BMPR1B: variants seen among roughly 807,000 people sequenced by gnomAD.
BMPR1B encodes bone morphogenetic protein receptor type 1B.
In BMPR1B, 12 loss-of-function variants were observed where a neutral mutation model predicts 59.1. The observed-to-expected ratio is 0.20, with a 90% CI of 0.13 to 0.33. The LOEUF (loss-of-function observed/expected upper bound fraction) is 0.33, where lower values mean the gene tolerates loss of function less well. BMPR1B is among the 10% of genes least tolerant of loss of function. The pLI is 1.00. For missense variants in BMPR1B, 550 were observed against 610.9 expected, an observed-to-expected ratio of 0.90 and a Z score of 1.05; for synonymous variants, 237 against 207.3, an observed-to-expected ratio of 1.14 and a Z score of -1.23.
intron 2 of BMPR1B, among the ~76,000 whole-genome samples, chr4:94,889,517 C>T (rs1371961456): frequency 1.3e-5 from 2 of 152,066 alleles, no homozygotes; most frequent in African/African-American, 4.8e-5. Context: ...AATTCTTTCT[C>T]AAAAGGTGTT....
rs144822754 is a variant in BMPR1B, at chr4:94,854,137, A to G, written c.-182-21694A>G. 3.3e-3 allele frequency among the ~76,000 whole-genome samples: 504 copies of G among 152,036 alleles called. 1 individual carries two copies. The highest frequency in any genetic ancestry group is 5.6e-3 in the Non-Finnish European group (381 of 67,984). The stretch of plus-strand genomic sequence containing the variant: ...TACTGTGAAGCTCTCTATTCCTTCT[A>G]GCAAGCCCCAAGATGCCTCATCTAT... On this transcript the variant is annotated intron_variant, in intron 1 of 12. Coordinates refer to ENST00000515059, the MANE Select transcript of BMPR1B (RefSeq NM_001203.3).
intron 1 of BMPR1B, among the ~76,000 whole-genome samples, chr4:94,857,463 TA>T (rs1369836822): frequency 6.6e-6 from 1 of 152,160 alleles, no homozygotes; most frequent in African/African-American, 2.4e-5. Context: ...TCTAGTGGAC[TA>T]TAAGATATTT....
At chr4:95,046,007 CATGA>C (rs1354353724) in intron 3 of BMPR1B, among the ~76,000 whole-genome samples, 13 of 152,146 alleles carry the variant, frequency 8.5e-5, no homozygotes, top group African/African-American at 3.1e-4. Flanking sequence ...ACTTCAAATG[CATGA>C]ATATTTAATG....
intron 2 of BMPR1B, among the ~76,000 whole-genome samples, chr4:94,912,094 G>C (rs1728295832): frequency 6.6e-6 from 1 of 152,004 alleles, no homozygotes; most frequent in Non-Finnish European, 1.5e-5. Flanking sequence ...GAATGAGGAA[G>C]GTACAAAAGT....
At chr4:95,020,503 CG>C (rs1723901651) in intron 3 of BMPR1B, among the ~76,000 whole-genome samples, 1 of 151,374 alleles carries the variant, frequency 6.6e-6, no homozygotes, top group Non-Finnish European at 1.5e-5. Flanking sequence ...TGCTTGAACC[CG>C]GGAGGCAGAG....
rs574324619 is a variant in BMPR1B, at chr4:94,926,300, G to T, written c.-113+50400G>T. On this transcript the variant is annotated intron_variant, in intron 2 of 12. Coordinates refer to ENST00000515059, the MANE Select transcript of BMPR1B (RefSeq NM_001203.3). ...ATGTTTTATAGGTTTCGCAAATTTT[G>T]TATCAGACTCTTCTTGGTCTTATCC... Among the ~76,000 whole-genome samples the T allele has an allele frequency of 2.0e-5, 3 of 151,812 alleles. No individual in the cohort carries two copies. In the East Asian group the frequency reaches 5.8e-4, roughly 29 times the overall value.
chr4:95,042,660 A>G (rs1344463645), intron 3 of BMPR1B, among the ~76,000 whole-genome samples: 1 of 152,180 alleles, frequency 6.6e-6, no homozygotes, highest in East Asian at 1.9e-4. Flanking sequence ...CACAAACAGT[A>G]AAAGATGGCC....
At chr4:94,916,109 T>C (rs1002942694) in intron 2 of BMPR1B, among the ~76,000 whole-genome samples, 1 of 152,118 alleles carries the variant, frequency 6.6e-6, no homozygotes, top group Non-Finnish European at 1.5e-5. Flanking sequence ...GTTAAACCTC[T>C]TTTCTTTGTA....
At chr4:94,895,375 C>A (rs916615282) in intron 2 of BMPR1B, among the ~76,000 whole-genome samples, 3 of 151,632 alleles carry the variant, frequency 2.0e-5, no homozygotes, top group African/African-American at 7.3e-5. Context: ...GATTTATAAT[C>A]TATGAGAAAA....
chr4:94,941,588 A>G (rs1729515315), intron 2 of BMPR1B, among the ~76,000 whole-genome samples: 1 of 152,200 alleles, frequency 6.6e-6, no homozygotes, highest in Non-Finnish European at 1.5e-5. Flanking sequence ...GATTAAAATT[A>G]TGAAAGGTTA....
chr4:95,044,894 G>GAAAACA (rs1270514223), intron 3 of BMPR1B, among the ~76,000 whole-genome samples: 1 of 152,100 alleles, frequency 6.6e-6, no homozygotes, highest in Non-Finnish European at 1.5e-5. Flanking sequence ...TCATAGTGGA[G>GAAAACA]TAGTTTTTTA....
chr4:94,962,110 TC>T, intron 2 of BMPR1B, among the ~76,000 whole-genome samples: 2 of 135,078 alleles, frequency 1.5e-5, no homozygotes, highest in Non-Finnish European at 1.5e-5. Flanking sequence ...CTTCCTTCCT[TC>T]CTTCCTTCCT....
chr4:94,932,301 G>A (rs1337287265), intron 2 of BMPR1B, among the ~76,000 whole-genome samples: 2 of 152,104 alleles, frequency 1.3e-5, no homozygotes, highest in Non-Finnish European at 2.9e-5. Context: ...ATACCTTTGG[G>A]TGACATAGAT....
chr4:95,033,474 A>G (rs1253663684), intron 3 of BMPR1B, among the ~76,000 whole-genome samples: 6 of 152,094 alleles, frequency 3.9e-5, no homozygotes, highest in Admixed American at 1.3e-4. Context: ...CCATTATGGT[A>G]TAAGATAAGT....
intron 1 of BMPR1B, among the ~76,000 whole-genome samples, chr4:94,810,857 T>C (rs1560495886): frequency 1.3e-5 from 2 of 152,170 alleles, no homozygotes; most frequent in African/African-American, 2.4e-5. Flanking sequence ...TAGTTTGGCA[T>C]GATTCTTTAA....
intron 1 of BMPR1B, among the ~76,000 whole-genome samples, chr4:94,788,244 T>A (rs112120648): frequency 2.6e-5 from 4 of 152,212 alleles, no homozygotes; most frequent in African/African-American, 7.2e-5. Context: ...TATATTCACT[T>A]TGAGCTTATG....
intron 3 of BMPR1B, among the ~76,000 whole-genome samples, chr4:95,053,635 G>C (rs1218176971): frequency 1.3e-5 from 2 of 151,982 alleles, no homozygotes; most frequent in Non-Finnish European, 2.9e-5. Flanking sequence ...AAAAATAGGA[G>C]GCAACCAAGC....
chr4:95,081,957 T>C (rs1729173926), intron 3 of BMPR1B, among the ~76,000 whole-genome samples: 1 of 152,050 alleles, frequency 6.6e-6, no homozygotes, highest in Admixed American at 6.6e-5. Context: ...ATATAATGGG[T>C]TTATTATTTT....
intron 3 of BMPR1B, among the ~76,000 whole-genome samples, chr4:95,015,067 A>G (rs931420556): frequency 6.6e-6 from 1 of 152,174 alleles, no homozygotes; most frequent in African/African-American, 2.4e-5. Context: ...TTTTCACAAG[A>G]ACACTGACAT....
Sources: allele counts gnomAD v4.1 joint callset (sites outside exome capture counted in the v4.1 genomes callset), GRCh38; gene constraint gnomAD v4.1.1; transcripts MANE v1.5; gene names NCBI Gene and HGNC (gene_info 2026-07-23, HGNC 2026-07-21).